UBR3: variants seen among roughly 807,000 people sequenced by gnomAD.
UBR3 encodes E3 ubiquitin-protein ligase UBR3.
A neutral mutation model predicts 243.2 loss-of-function variants in UBR3; 85 were observed. The observed-to-expected ratio is 0.35, with a 90% CI of 0.29 to 0.42. UBR3 has a LOEUF of 0.42. Among genes scored for constraint, UBR3 ranks in the 10% least tolerant of loss-of-function variants. The pLI is 1.00. For synonymous variants in UBR3, 748 were observed against 799.8 expected, an observed-to-expected ratio of 0.94 and a Z score of 1.09; for missense variants, 1,686 against 2,300.8, an observed-to-expected ratio of 0.73 and a Z score of 5.47.
intron 30 of UBR3, among the ~76,000 whole-genome samples, chr2:170,026,726 T>C (rs2090539620): frequency 6.6e-6 from 1 of 152,182 alleles, no homozygotes; most frequent in South Asian, 2.1e-4. Context: ...AAAGGAGTTA[T>C]CCTTTTTTGT....
chr2:170,072,792 C>T (rs925808894), intron 35 of UBR3, among the ~76,000 whole-genome samples: 10 of 151,858 alleles, frequency 6.6e-5, no homozygotes, highest in African/African-American at 2.2e-4. Flanking sequence ...TGTGGTCTTT[C>T]GGTTAAATAA....
intron 10 of UBR3, among the ~76,000 whole-genome samples, chr2:169,913,370 T>TTGTTTTTGG: frequency 6.6e-6 from 1 of 151,362 alleles, no homozygotes; most frequent in Non-Finnish European, 1.5e-5. Context: ...GTTTTTTTTT[T>TTGTTTTTGG]TGTTTTTGGT....
intron 24 of UBR3, chr2:169,964,427 A>G (rs1203576215): frequency 2.1e-6 from 1 of 470,424 alleles, no homozygotes; most frequent in Admixed American, 2.4e-5. Context: ...TGAGGAATCA[A>G]TTAAGCAACG....
chr2:169,896,687 G>T lies in UBR3; in HGVS notation c.1417G>T (p.Val473Leu). 1 of 1,550,984 alleles carries T rather than the reference G, an allele frequency of 6.4e-7. No homozygotes were observed. The highest frequency in any genetic ancestry group is 8.7e-7 in the Non-Finnish European group (1 of 1,146,606). ...ECQLLDIMVT[V>L]LLYMMESCLI... ...TCAGCTGCTGGATATTATGGTCACT[G>T]TGCTATTATACATGATGGAAAGTTG... Residue 473 changes from valine to leucine, a missense_variant, in exon 8 of 39, where the codon GTG becomes TTG. Transcript: ENST00000272793.
intron 24 of UBR3, among the ~76,000 whole-genome samples, chr2:169,966,039 C>T (rs533862650): frequency 5.3e-5 from 8 of 152,098 alleles, no homozygotes; most frequent in Non-Finnish European, 8.8e-5. Flanking sequence ...CTGAATGCAA[C>T]ACATTTCTAC....
chr2:169,969,696 C>T (rs1352170284), intron 24 of UBR3, among the ~76,000 whole-genome samples: 3 of 151,796 alleles, frequency 2.0e-5, no homozygotes, highest in Non-Finnish European at 4.4e-5. Context: ...CAACAGGCGC[C>T]TGCCACCATG....
chr2:169,981,367 A>G (rs989257333), intron 24 of UBR3, among the ~76,000 whole-genome samples: 2 of 152,106 alleles, frequency 1.3e-5, no homozygotes, highest in African/African-American at 4.8e-5. Flanking sequence ...TACCCTTGAT[A>G]TGATGTGATG....
chr2:169,901,034 A>G lies in UBR3; in HGVS notation c.1466-4080A>G, dbSNP rs192871926. On this transcript the variant is annotated intron_variant, in intron 8 of 38. Coordinates refer to ENST00000272793, the MANE Select transcript of UBR3 (RefSeq NM_172070.4). ...GAGGAAGCCAGTGGTCATAGTTTAA[A>G]CTTTACCTTGCTTGATTTTCAGTAG... Among the ~76,000 whole-genome samples, 3 of 152,198 alleles carry G rather than the reference A, an allele frequency of 2.0e-5. No homozygotes were observed. In the East Asian group the frequency reaches 5.8e-4, roughly 29 times the overall value.
intron 32 of UBR3, among the ~76,000 whole-genome samples, chr2:170,048,497 C>T (rs566709778): frequency 3.7e-4 from 57 of 152,276 alleles, no homozygotes; most frequent in South Asian, 4.2e-4. Context: ...GCTTATTGAA[C>T]GTGTACACTT....
At chr2:169,912,969 A>G (rs1038771518) in intron 10 of UBR3, among the ~76,000 whole-genome samples, 26 of 152,118 alleles carry the variant, frequency 1.7e-4, no homozygotes, top group African/African-American at 5.8e-4. Flanking sequence ...ATTTTTTCGC[A>G]GAGACAGAGA....
In UBR3 at chr2:169,932,974, G is replaced by A; in HGVS notation, c.2629G>A (p.Asp877Asn). Residue 877 changes from aspartate (D) to asparagine (N), a missense_variant, in exon 19 of 39, where the codon GAT becomes AAT. Physicochemically the swap from Asp to Asn is conservative, Grantham distance 23. Transcript: ENST00000272793. Reference sequence around the variant, plus strand: ...CATTCTTCGAACAGTTTACCGTAGAGATGTGCAGTCTGCAATGGACAGATA... The same window carrying A: ...CATTCTTCGAACAGTTTACCGTAGAAATGTGCAGTCTGCAATGGACAGATA... ...MVILRTVYRRDVQSAMDRYTA... is the reference protein window; with the variant it reads ...MVILRTVYRRNVQSAMDRYTA... 1 of 1,537,012 alleles carries A rather than the reference G, an allele frequency of 6.5e-7. No individual in the cohort carries two copies. The highest frequency in any genetic ancestry group is 8.7e-7 in the Non-Finnish European group (1 of 1,143,448).
At chr2:169,984,694 T>A (rs79196135) in intron 24 of UBR3, among the ~76,000 whole-genome samples, 6,522 of 152,246 alleles carry the variant, frequency 0.043, 154 homozygotes, top group Middle Eastern at 0.061. Context: ...ATATTACCAA[T>A]AACATTTTAA....
At chr2:169,963,993 CT>C (rs1030925465) in intron 24 of UBR3, among the ~76,000 whole-genome samples, 2 of 152,158 alleles carry the variant, frequency 1.3e-5, no homozygotes, top group African/African-American at 4.8e-5. Flanking sequence ...TGAGAATCTT[CT>C]CTTACACAAT....
In UBR3 at chr2:169,872,386, A is replaced by G. The variant is rs745451415; in HGVS notation, c.685+11A>G. On this transcript the variant is annotated intron_variant, in intron 2 of 38. Transcript: ENST00000272793. Reference sequence around the variant, plus strand: ...GCTATAATGAACCAGGTATGTTTTAATCTACTTCTTGTTAGTACTCTTTTT... The same window carrying G: ...GCTATAATGAACCAGGTATGTTTTAGTCTACTTCTTGTTAGTACTCTTTTT... 4.2e-6 allele frequency: 6 copies of G among 1,439,354 alleles called. No individual in the cohort carries two copies. The South Asian group carries it at 8.4e-5, about 20-fold the overall frequency. The allele number at this position is 1,439,354 out of a possible 1,614,324, so 89.2% of individuals were successfully genotyped here.
Position 169,857,064 on chromosome 2 carries a change from G to GTTTTTTTTTT in UBR3, c.546-15154_546-15145dup, listed in dbSNP as rs770674966. On this transcript the variant is annotated intron_variant, in intron 1 of 38. Coordinates refer to ENST00000272793, the MANE Select transcript of UBR3 (RefSeq NM_172070.4). Reference sequence around the variant, plus strand: ...ATGATTTCCAGCATAATTTTATTATGTTTTTTTTTTTTTTTTTTTTTTTTT... The same window carrying GTTTTTTTTTT: ...ATGATTTCCAGCATAATTTTATTATGTTTTTTTTTTTTTTTTTTTTTTTTTTTTTTTTTTT... Among the ~76,000 whole-genome samples the GTTTTTTTTTT allele has an allele frequency of 9.7e-3, 542 of 55,952 alleles. 118 individuals are homozygous for GTTTTTTTTTT. The highest frequency in any genetic ancestry group is 0.023 in the South Asian group (25 of 1,076). 36.7% of individuals were successfully genotyped at this position (55,952 alleles called of 152,430 possible). A position where few individuals can be genotyped will look rare whatever the true frequency, so the allele number is the denominator to read the frequency against.
In UBR3 at chr2:169,895,086, G is replaced by C. The variant is rs901295831; in HGVS notation, c.1106-95G>C. On this transcript the variant is annotated intron_variant, in intron 6 of 38. Coordinates refer to ENST00000272793, the MANE Select transcript of UBR3 (RefSeq NM_172070.4). Reference sequence around the variant, plus strand: ...ATTGTAAGGATATTTTTAACTTTTAGATACTTTCCCATTTTATGGTTTATG... The same window carrying C: ...ATTGTAAGGATATTTTTAACTTTTACATACTTTCCCATTTTATGGTTTATG... The C allele has an allele frequency of 1.3e-5, 16 of 1,224,712 alleles. No individual in the cohort carries two copies. The Admixed American group carries it at 4.3e-4, about 33-fold the overall frequency. 75.9% of individuals were successfully genotyped at this position (1,224,712 alleles called of 1,614,324 possible).
intron 24 of UBR3, among the ~76,000 whole-genome samples, chr2:169,978,912 G>A (rs7599582): frequency 0.44 from 66,644 of 151,858 alleles, 15,770 homozygotes; most frequent in Non-Finnish European, 0.54. Flanking sequence ...CTAGCCCTAG[G>A]CTCTGTAGCT....
At chr2:170,021,549 C>T (rs2090392324) in intron 30 of UBR3, among the ~76,000 whole-genome samples, 1 of 152,100 alleles carries the variant, frequency 6.6e-6, no homozygotes, top group African/African-American at 2.4e-5. Context: ...TTCTCAAAGG[C>T]CCCACCTCCT....
Position 169,845,501 on chromosome 2 carries a change from ATCGTCGTCG to A in UBR3, c.545+17473_545+17481del, listed in dbSNP as rs879064379. 2.5e-3 allele frequency among the ~76,000 whole-genome samples: 233 copies of A among 93,896 alleles called. 1 individual carries two copies. The highest frequency in any genetic ancestry group is 5.8e-3 in the African/African-American group (189 of 32,438). The allele number at this position is 93,896 out of a possible 152,430, so 61.6% of individuals were successfully genotyped here. On this transcript the variant is annotated intron_variant, in intron 1 of 38. Transcript: ENST00000272793. ...GTAATTCCTTTCCCTCTTCGTCGTCATCGTCGTCGTCGTCGTCGTCGTCGTCGTCGTCTT... is the reference window on the plus strand; with the variant it reads ...GTAATTCCTTTCCCTCTTCGTCGTCATCGTCGTCGTCGTCGTCGTCGTCTT...
Sources: allele counts gnomAD v4.1 joint callset (sites outside exome capture counted in the v4.1 genomes callset), GRCh38; gene constraint gnomAD v4.1.1; transcripts MANE v1.5; gene names NCBI Gene and HGNC (gene_info 2026-07-23, HGNC 2026-07-21).